Variants in HS6ST2 observed in about 807,000 individuals in gnomAD.
HS6ST2 encodes the protein heparan sulfate 6-O-sulfotransferase 2, also known as heparan-sulfate 6-O-sulfotransferase 2.
In HS6ST2, 17 loss-of-function variants were observed where a neutral mutation model predicts 33.0. The ratio of observed to expected loss-of-function variants is 0.52; its 90% confidence interval spans 0.35 to 0.77. The LOEUF (loss-of-function observed/expected upper bound fraction) is 0.77. Ranked by LOEUF, HS6ST2 falls within the 30% of genes least tolerant of loss-of-function variation. The pLI is 0.01. For missense variants in HS6ST2, 519 were observed against 551.7 expected, an observed-to-expected ratio of 0.94 and a Z score of 0.59; for synonymous variants, 248 against 237.1, an observed-to-expected ratio of 1.05 and a Z score of -0.42.
At chrX:132,956,328 C>A (rs964520041) in intron 2 of HS6ST2, among the ~76,000 whole-genome samples, 1 of 101,777 alleles carries the variant, frequency 9.8e-6, no homozygotes, top group African/African-American at 3.7e-5. Flanking sequence ...GAGAACAAGG[C>A]AAATAGACGA....
intron 2 of HS6ST2, among the ~76,000 whole-genome samples, chrX:132,871,533 A>C (rs1038030764): frequency 8.9e-6 from 1 of 112,114 alleles, no homozygotes; most frequent in Admixed American, 9.5e-5. Flanking sequence ...ACCAACCCAA[A>C]TGCCCATCAA....
chrX:132,653,438 G>A (rs1402575076), intron 4 of HS6ST2, among the ~76,000 whole-genome samples: 1 of 111,813 alleles, frequency 8.9e-6, no homozygotes, highest in African/African-American at 3.3e-5. Flanking sequence ...AAATGCAGCA[G>A]TATTAAATTA....
intron 2 of HS6ST2, among the ~76,000 whole-genome samples, chrX:132,718,403 A>G (rs1208107874): frequency 8.9e-6 from 1 of 111,960 alleles, no homozygotes; most frequent in African/African-American, 3.2e-5. Context: ...AAGGTCATAC[A>G]GTTAATAAGT....
chrX:132,883,652 A>G (rs1175840256), intron 2 of HS6ST2, among the ~76,000 whole-genome samples: 1 of 111,211 alleles, frequency 9.0e-6, no homozygotes, highest in African/African-American at 3.3e-5. Flanking sequence ...CTTAATAAAT[A>G]AAGACTGCAA....
chrX:132,860,954 C>G (rs1028430726), intron 2 of HS6ST2, among the ~76,000 whole-genome samples: 1 of 108,259 alleles, frequency 9.2e-6, no homozygotes, highest in Admixed American at 1.0e-4. Flanking sequence ...CCACACCCAG[C>G]TAATTTTTGT....
chrX:132,885,854 C>G (rs2066245732), intron 2 of HS6ST2, among the ~76,000 whole-genome samples: 1 of 111,654 alleles, frequency 9.0e-6, no homozygotes, highest in Non-Finnish European at 1.9e-5. Context: ...GGGGGCTACA[C>G]ACGATGTGGG....
intron 2 of HS6ST2, among the ~76,000 whole-genome samples, chrX:132,809,396 G>C (rs1410987472): frequency 8.9e-6 from 1 of 112,272 alleles, no homozygotes; most frequent in Admixed American, 9.5e-5. Context: ...GAATCTCTGA[G>C]AATAGATCCC....
rs887945530 is a variant in HS6ST2 at position 132,761,070 on chromosome X, T to C, written c.948-52576A>G. ...TCACTTTTTGCCTAAGAATCTTCCA[T>C]ATATGCAAGGAATAAATGGTGGAAA... is the stretch of plus-strand genomic sequence containing the variant. On this transcript the variant is annotated intron_variant, in intron 2 of 4. Coordinates refer to ENST00000370833, the MANE Select transcript of HS6ST2 (RefSeq NM_001394073.1). 3.6e-5 allele frequency among the ~76,000 whole-genome samples: 4 copies of C among 111,468 alleles called. No individual in the cohort carries two copies. The Admixed American group carries it at 3.8e-4, about 11-fold the overall frequency.
chrX:132,909,392 G>A (rs1375666215), intron 2 of HS6ST2, among the ~76,000 whole-genome samples: 1 of 111,377 alleles, frequency 9.0e-6, no homozygotes, highest in South Asian at 3.8e-4. Context: ...CTCATGGCCC[G>A]GTGGCTACAC....
At chrX:132,858,527 T>C (rs1327673363) in intron 2 of HS6ST2, among the ~76,000 whole-genome samples, 4 of 111,992 alleles carry the variant, frequency 3.6e-5, no homozygotes, top group Non-Finnish European at 7.5e-5. Flanking sequence ...AAAGAAGATG[T>C]ATTCTCTGAA....
In HS6ST2 at chrX:132,865,613, A is replaced by G. The variant is rs750570811; in HGVS notation, c.947+91195T>C. On this transcript the variant is annotated intron_variant, in intron 2 of 4. Transcript: ENST00000370833. ...TCACCAACAGTGTAAAAGTGTTCCT[A>G]TTTCTCCACATCCTCTCCAGCACCT... 4.5e-5 allele frequency among the ~76,000 whole-genome samples: 5 copies of G among 110,866 alleles called. No homozygotes were observed. In the East Asian group the frequency reaches 1.1e-3, roughly 25 times the overall value.
At chrX:132,741,622 C>T (rs2064581527) in intron 2 of HS6ST2, among the ~76,000 whole-genome samples, 1 of 111,279 alleles carries the variant, frequency 9.0e-6, no homozygotes, top group Non-Finnish European at 1.9e-5. Context: ...AGATTCGTTT[C>T]AGCTTGGATT....
At chrX:132,670,256 A>G (rs1164179869) in intron 3 of HS6ST2, among the ~76,000 whole-genome samples, 1 of 112,278 alleles carries the variant, frequency 8.9e-6, no homozygotes. Flanking sequence ...CTTTTCAGAT[A>G]TTTATGAACC....
intron 2 of HS6ST2, among the ~76,000 whole-genome samples, chrX:132,761,715 T>G (rs999621718): frequency 1.8e-5 from 2 of 112,150 alleles, no homozygotes; most frequent in African/African-American, 6.5e-5. Flanking sequence ...GCACAATGGC[T>G]ACAGTCACAG....
intron 4 of HS6ST2, among the ~76,000 whole-genome samples, chrX:132,637,968 T>TTA (rs200433709): frequency 0.11 from 8,400 of 75,572 alleles, 513 homozygotes; most frequent in Non-Finnish European, 0.13. Context: ...ATAAAATATT[T>TTA]TATATATATA....
At chrX:132,661,209 G>A (rs768169317) in intron 4 of HS6ST2, among the ~76,000 whole-genome samples, 2 of 110,296 alleles carry the variant, frequency 1.8e-5, no homozygotes, top group African/African-American at 6.6e-5. Flanking sequence ...AGTGCAATAA[G>A]GCAAGAAGAA....
At chrX:132,657,539 A>AT (rs777832195) in intron 4 of HS6ST2, among the ~76,000 whole-genome samples, 6 of 109,470 alleles carry the variant, frequency 5.5e-5, no homozygotes, top group Admixed American at 9.7e-5. Flanking sequence ...ATGGAGATGC[A>AT]TTTTTTCCCC....
chrX:132,884,513 A>C (rs1415767857), intron 2 of HS6ST2, among the ~76,000 whole-genome samples: 1 of 111,928 alleles, frequency 8.9e-6, no homozygotes, highest in Non-Finnish European at 1.9e-5. Context: ...AACAAAAATG[A>C]CTATTCCACA....
At chrX:132,805,308 TC>T (rs1313517894) in intron 2 of HS6ST2, among the ~76,000 whole-genome samples, 1 of 111,631 alleles carries the variant, frequency 9.0e-6, no homozygotes, top group Admixed American at 9.5e-5. Flanking sequence ...AGTACATCTC[TC>T]CTTAAGACCA....
Sources: gnomAD v4.1 joint callset for allele counts (sites outside exome capture counted in the v4.1 genomes callset) on GRCh38, gnomAD v4.1.1 for gene constraint, MANE v1.5 for transcripts, NCBI Gene and HGNC (gene_info 2026-07-23, HGNC 2026-07-21) for gene names.